RAPGEF2: variants seen among roughly 807,000 people sequenced by gnomAD.
RAPGEF2 encodes the protein Rap guanine nucleotide exchange factor 2, also known as PDZ domain containing guanine nucleotide exchange factor (GEF) 1.
RAPGEF2 carries 54 observed loss-of-function variants against 186.7 expected under a neutral mutation model. The ratio of observed to expected loss-of-function variants is 0.29; its 90% CI spans 0.23 to 0.36. RAPGEF2 has a LOEUF of 0.36. Ranked by LOEUF, RAPGEF2 falls within the 10% of genes least tolerant of loss-of-function variation. RAPGEF2 has a pLI of 1.00. For synonymous variants in RAPGEF2, 712 were observed against 705.9 expected (o/e 1.01, Z -0.14); for missense variants, 1,532 against 2,045.0 (o/e 0.75, Z 4.84).
At chr4:159,183,860 T>C (rs1747274901) in intron 1 of RAPGEF2, among the ~76,000 whole-genome samples, 1 of 152,158 alleles carries the variant, frequency 6.6e-6, no homozygotes, top group African/African-American at 2.4e-5. Context: ...TCATTTACAT[T>C]AGGTATATCT....
rs780273444 is a variant in RAPGEF2, at chr4:159,314,603, G to A, written c.688G>A (p.Glu230Lys). ...LSDIYQATESEAGDMDLSGLP... is the reference protein window; with the variant it reads ...LSDIYQATESKAGDMDLSGLP... ...TGTGTGTCTTAAGGCCACAGAAAGCGAGGCTGGTGATATGGACCTGAGTGG... is the reference window on the plus strand; with the variant it reads ...TGTGTGTCTTAAGGCCACAGAAAGCAAGGCTGGTGATATGGACCTGAGTGG... The change falls in exon 9 of 30, where the codon GAG (glutamate) becomes AAG (lysine). Residue 230 changes from glutamate to lysine, a missense_variant. Transcript: ENST00000691494. 1.2e-6 allele frequency: 2 copies of A among 1,608,972 alleles called. No individual in the cohort carries two copies. The highest frequency in any genetic ancestry group is 1.7e-6 in the Non-Finnish European group (2 of 1,178,734).
At chr4:159,281,686 A>G (rs949040410) in intron 7 of RAPGEF2, among the ~76,000 whole-genome samples, 50 of 144,298 alleles carry the variant, frequency 3.5e-4, no homozygotes, top group Non-Finnish European at 5.8e-4. Context: ...AAAAAAAAAA[A>G]AAAAGAAAAG....
chr4:159,171,002 T>G (rs894622880), intron 1 of RAPGEF2, among the ~76,000 whole-genome samples: 3 of 152,196 alleles, frequency 2.0e-5, no homozygotes, highest in Non-Finnish European at 4.4e-5. Flanking sequence ...TGAGAATCAG[T>G]TGACTGTAAA....
chr4:159,309,966 A>G (rs957000940), intron 8 of RAPGEF2, among the ~76,000 whole-genome samples: 1 of 152,232 alleles, frequency 6.6e-6, no homozygotes, highest in Admixed American at 6.5e-5. Context: ...CTGATAAACT[A>G]AAGAGTTAGC....
intron 1 of RAPGEF2, among the ~76,000 whole-genome samples, chr4:159,145,328 T>C (rs943938795): frequency 1.3e-5 from 2 of 152,166 alleles, no homozygotes; most frequent in Admixed American, 6.5e-5. Context: ...TAATTTTTAA[T>C]TTTCTAGGAG....
At chr4:159,245,627 GTGTGGGTAGGAAAATC>G (rs989017937) in intron 7 of RAPGEF2, among the ~76,000 whole-genome samples, 1 of 152,052 alleles carries the variant, frequency 6.6e-6, no homozygotes, top group Non-Finnish European at 1.5e-5. Context: ...CTAGAAGTTT[GTGTGGGTAGGAAAATC>G]TGAATTCCAT....
intron 1 of RAPGEF2, among the ~76,000 whole-genome samples, chr4:159,157,572 C>CT (rs1225185788): frequency 2.6e-5 from 4 of 152,086 alleles, no homozygotes; most frequent in African/African-American, 9.7e-5. Flanking sequence ...ATAAGAATGG[C>CT]TTTTTAAAAG....
intron 25 of RAPGEF2, among the ~76,000 whole-genome samples, chr4:159,348,983 G>C (rs921191492): frequency 6.6e-6 from 1 of 152,086 alleles, no homozygotes; most frequent in African/African-American, 2.4e-5. Flanking sequence ...GTCATCACTA[G>C]CACCACTTTT....
intron 1 of RAPGEF2, among the ~76,000 whole-genome samples, chr4:159,139,948 A>T (rs1742138059): frequency 6.6e-6 from 1 of 152,226 alleles, no homozygotes; most frequent in Non-Finnish European, 1.5e-5. Context: ...TACATTTTGA[A>T]AGGGAAATGG....
At chr4:159,218,771 C>T (rs573585079) in intron 4 of RAPGEF2, among the ~76,000 whole-genome samples, 9 of 151,878 alleles carry the variant, frequency 5.9e-5, no homozygotes, top group African/African-American at 1.2e-4. Context: ...AAAAAAAAGT[C>T]GTTTTCTTGA....
chr4:159,335,104 T>C (rs1282835331), intron 17 of RAPGEF2, among the ~76,000 whole-genome samples: 1 of 152,264 alleles, frequency 6.6e-6, no homozygotes, highest in African/African-American at 2.4e-5. Context: ...GAAGTCTAGA[T>C]AGAGTATACT....
At chr4:159,348,108 C>T (rs1730602661) in intron 25 of RAPGEF2, among the ~76,000 whole-genome samples, 1 of 152,080 alleles carries the variant, frequency 6.6e-6, no homozygotes, top group African/African-American at 2.4e-5. Flanking sequence ...GCAGTCCTAG[C>T]TACCTGGGAA....
Position 159,229,960 on chromosome 4 carries a change from C to T in RAPGEF2, c.282-8849C>T, listed in dbSNP as rs75351671. 3.4e-3 allele frequency among the ~76,000 whole-genome samples: 521 copies of T among 152,226 alleles called. 4 individuals are homozygous for T. The highest frequency in any genetic ancestry group is 0.012 in the African/African-American group (502 of 41,540). On this transcript the variant is annotated intron_variant, in intron 4 of 29. Transcript: ENST00000691494. The stretch of plus-strand genomic sequence containing the variant: ...CAAAGATTGACCAGAAGTGAACCTG[C>T]ATCACTTCTAGTTGTCATCTTGTGG...
At chr4:159,357,454 A>G (rs10025560) in intron 29 of RAPGEF2, among the ~76,000 whole-genome samples, 19,729 of 152,310 alleles carry the variant, frequency 0.13, 1,352 homozygotes, top group Admixed American at 0.2. Context: ...CTACAAATCT[A>G]TCTGACCATG....
chr4:159,152,738 C>T (rs1205793051), intron 1 of RAPGEF2, among the ~76,000 whole-genome samples: 2 of 152,220 alleles, frequency 1.3e-5, no homozygotes, highest in Non-Finnish European at 2.9e-5. Context: ...CTGCCTCAGC[C>T]TCCTGAGTAG....
chr4:159,332,326 G>C (rs533736464), intron 16 of RAPGEF2, 125 bp from the exon 17 acceptor site: 1 of 1,002,160 alleles, frequency 1.0e-6, no homozygotes, highest in South Asian at 1.6e-5. Context: ...TTTTTCTGCA[G>C]GTTTGCAGTT....
chr4:159,200,085 G>A (rs890783488), intron 3 of RAPGEF2, among the ~76,000 whole-genome samples: 2 of 151,604 alleles, frequency 1.3e-5, no homozygotes, highest in Non-Finnish European at 2.9e-5. Context: ...GTTTGTATTG[G>A]TGTTTTTCCT....
intron 3 of RAPGEF2, among the ~76,000 whole-genome samples, chr4:159,207,472 CA>C (rs1199288708): frequency 1.3e-5 from 2 of 152,174 alleles, no homozygotes; most frequent in African/African-American, 4.8e-5. Context: ...ATTGAAAAGC[CA>C]GCTAATGTTT....
intron 20 of RAPGEF2, 70 bp downstream of exon 20, chr4:159,342,017 C>T (rs1201423244): frequency 7.2e-7 from 1 of 1,398,184 alleles, no homozygotes; most frequent in Admixed American, 2.3e-5. Flanking sequence ...AGTCCAGGAA[C>T]ATCATATAAT....
Sources: allele counts gnomAD v4.1 joint callset (sites outside exome capture counted in the v4.1 genomes callset), GRCh38; gene constraint gnomAD v4.1.1; transcripts MANE v1.5; gene names NCBI Gene and HGNC (gene_info 2026-07-23, HGNC 2026-07-21).